The following ZNF365 variants were observed in gnomAD, a reference collection of about 807,000 sequenced individuals.
ZNF365 encodes the protein zinc finger protein 365.
A neutral mutation model predicts 35.0 loss-of-function variants in ZNF365; 22 were observed. The ratio of observed to expected loss-of-function variants is 0.63; its 90% CI spans 0.45 to 0.90. The LOEUF (loss-of-function observed/expected upper bound fraction) is 0.90. ZNF365 is among the 40% of genes least tolerant of loss of function. ZNF365 has a pLI of 0.00. For synonymous variants in ZNF365, 188 were observed against 196.2 expected, an observed-to-expected ratio of 0.96 and a Z score of 0.35; for missense variants, 448 against 500.3, an observed-to-expected ratio of 0.90 and a Z score of 1.00.
intron 3 of ZNF365, among the ~76,000 whole-genome samples, chr10:62,390,086 G>A (rs1270512235): frequency 1.3e-5 from 2 of 152,022 alleles, no homozygotes; most frequent in African/African-American, 4.8e-5. Context: ...AGGTTATGGT[G>A]CCCAGATGTG....
chr10:62,403,508 A>G (rs1839862418), downstream of ZNF365, among the ~76,000 whole-genome samples: 1 of 152,198 alleles, frequency 6.6e-6, no homozygotes, highest in Admixed American at 6.5e-5. Flanking sequence ...AATACAAAAA[A>G]TTAGCCGGGC....
Position 62,376,278 on chromosome 10 carries a change from C to G in ZNF365, c.85C>G (p.Pro29Ala). The part of the protein sequence containing the change: ...NVAVCLPLRC[P>A]RCGDHTRFRS... ...TGCTGTGTGCCTGCCATTACGCTGC[C>G]CGAGGTGTGGAGACCATACCAGATT... The change falls in exon 2 of 5, where the codon CCG becomes GCG. Residue 29 changes from proline (P) to alanine (A), a missense_variant. Pro to Ala is a conservative substitution (Grantham distance 27). Transcript: ENST00000395254. 1.2e-6 allele frequency: 2 copies of G among 1,614,056 alleles called. No homozygotes were observed. The highest frequency in any genetic ancestry group is 1.7e-6 in the Non-Finnish European group (2 of 1,180,016).
chr10:62,427,319 C>T (rs1213742290), intron 3 of ZNF365, among the ~76,000 whole-genome samples: 1 of 152,150 alleles, frequency 6.6e-6, no homozygotes, highest in Non-Finnish European at 1.5e-5. Flanking sequence ...TACACAAATA[C>T]TTAGCATTGT....
chr10:62,427,599 A>G (rs1269499429), intron 3 of ZNF365, among the ~76,000 whole-genome samples: 1 of 152,190 alleles, frequency 6.6e-6, no homozygotes, highest in Non-Finnish European at 1.5e-5. Flanking sequence ...TAGAAAGAAA[A>G]TCTTTTGCCA....
At chr10:62,419,446 C>T (rs1840131577) in intron 3 of ZNF365, among the ~76,000 whole-genome samples, 1 of 150,184 alleles carries the variant, frequency 6.7e-6, no homozygotes, top group Non-Finnish European at 1.5e-5. Flanking sequence ...TCCAAGTAAC[C>T]TTGAATATAA....
At chr10:62,461,367 C>A (rs777976862) in intron 4 of ZNF365, among the ~76,000 whole-genome samples, 3 of 152,196 alleles carry the variant, frequency 2.0e-5, no homozygotes, top group Non-Finnish European at 4.4e-5. Flanking sequence ...GAGCTTCAAC[C>A]AGAGCAGCTG....
intron 2 of ZNF365, among the ~76,000 whole-genome samples, chr10:62,386,003 G>C (rs755742394): frequency 2.6e-5 from 4 of 151,984 alleles, no homozygotes; most frequent in East Asian, 1.9e-4. Flanking sequence ...TCTACAACAG[G>C]CTTGTAGAAA....
intron 3 of ZNF365, among the ~76,000 whole-genome samples, chr10:62,452,357 G>A (rs1840696327): frequency 6.6e-6 from 1 of 152,128 alleles, no homozygotes; most frequent in Non-Finnish European, 1.5e-5. Context: ...AAAGAAAAAT[G>A]CTGACCCCTC....
intron 3 of ZNF365, among the ~76,000 whole-genome samples, chr10:62,450,612 C>T (rs1840665713): frequency 6.6e-6 from 1 of 152,174 alleles, no homozygotes; most frequent in Non-Finnish European, 1.5e-5. Context: ...CTGCTTTATT[C>T]TTCTCCAAGT....
intron 4 of ZNF365, among the ~76,000 whole-genome samples, chr10:62,464,967 G>A (rs1163527646): frequency 6.6e-6 from 1 of 152,204 alleles, no homozygotes; most frequent in African/African-American, 2.4e-5. Flanking sequence ...GCCAACAGGA[G>A]CCCTGCACCC....
chr10:62,459,722 AC>A (rs762131143), intron 3 of ZNF365: 5 of 1,602,026 alleles, frequency 3.1e-6, no homozygotes, highest in Non-Finnish European at 4.3e-6. Context: ...TGATGGCAGT[AC>A]CCTTCTTTTC....
chr10:62,472,042 A>G (rs1841048412), intron 4 of ZNF365, among the ~76,000 whole-genome samples: 1 of 152,238 alleles, frequency 6.6e-6, no homozygotes, highest in African/African-American at 2.4e-5. Flanking sequence ...GGGAGAAGTG[A>G]GCCAGAGCTG....
Position 62,401,482 on chromosome 10 carries a change from T to G in ZNF365, c.*1693T>G. On this transcript the variant is annotated 3_prime_UTR_variant, in exon 5 of 5. Transcript: ENST00000395254. ...CTTGAATCTTCACTTTGACTTTCAG[T>G]TTATGGGGGGGGTAGATCATTCATG... 1 of 922,038 alleles carries G rather than the reference T, an allele frequency of 1.1e-6. No homozygotes were observed. Among genetic ancestry groups the G allele is most frequent in the Non-Finnish European group, 1.3e-6 (1 of 797,570 alleles). 57.1% of individuals were successfully genotyped at this position (922,038 alleles called of 1,614,324 possible). A position where few individuals can be genotyped will look rare whatever the true frequency, so the allele number is the denominator to read the frequency against.
intron 3 of ZNF365, among the ~76,000 whole-genome samples, chr10:62,438,924 C>T (rs1840450608): frequency 6.6e-6 from 1 of 152,184 alleles, no homozygotes; most frequent in Non-Finnish European, 1.5e-5. Flanking sequence ...GCATTACAGC[C>T]TCACTAACTT....
intron 3 of ZNF365, among the ~76,000 whole-genome samples, chr10:62,396,308 G>C (rs886648025): frequency 4.6e-5 from 7 of 152,204 alleles, no homozygotes; most frequent in Non-Finnish European, 1.0e-4. Context: ...CTTGGAGTCT[G>C]CTAACTTGGA....
chr10:62,393,766 C>T (rs181253921), intron 3 of ZNF365, among the ~76,000 whole-genome samples: 192 of 152,286 alleles, frequency 1.3e-3, no homozygotes, highest in African/African-American at 4.4e-3. Flanking sequence ...GAAAAATTGA[C>T]TAATTCAAAT....
intron 4 of ZNF365, among the ~76,000 whole-genome samples, chr10:62,476,019 C>T (rs1841124661): frequency 6.6e-6 from 1 of 150,438 alleles, no homozygotes; most frequent in Non-Finnish European, 1.5e-5. Context: ...GAGCCAAGGT[C>T]AAGGTTTACT....
intron 4 of ZNF365, among the ~76,000 whole-genome samples, chr10:62,463,377 C>A (rs1170269940): frequency 3.3e-5 from 5 of 152,234 alleles, no homozygotes; most frequent in Non-Finnish European, 1.5e-5. Flanking sequence ...GTTTTCTGTT[C>A]CCCTCCCCAC....
intron 3 of ZNF365, among the ~76,000 whole-genome samples, chr10:62,421,070 T>G (rs978732541): frequency 1.3e-5 from 2 of 152,032 alleles, no homozygotes; most frequent in African/African-American, 4.8e-5. Flanking sequence ...GTGGCCTACT[T>G]GGGTTTAGAG....
Sources: gnomAD v4.1 joint callset for allele counts (sites outside exome capture counted in the v4.1 genomes callset) on GRCh38, gnomAD v4.1.1 for gene constraint, MANE v1.5 for transcripts, NCBI Gene and HGNC (gene_info 2026-07-23, HGNC 2026-07-21) for gene names.